The following RBM15B variants were observed in gnomAD, a reference collection of about 807,000 sequenced individuals.
The protein encoded by RBM15B is putative RNA-binding protein 15B.
RBM15B carries 11 observed loss-of-function variants against 53.3 expected under a neutral mutation model. The ratio of observed to expected loss-of-function variants is 0.21; its 90% CI spans 0.13 to 0.34. The LOEUF is 0.34. Ranked by LOEUF, RBM15B falls within the 10% of genes least tolerant of loss-of-function variation. The pLI, the probability that RBM15B is intolerant of heterozygous loss-of-function variation, is 1.00. For synonymous variants in RBM15B, 631 were observed against 540.7 expected, an observed-to-expected ratio of 1.17 and a Z score of -2.32; for missense variants, 1,136 against 1,250.3, an observed-to-expected ratio of 0.91 and a Z score of 1.38.
At position 51,393,916 on chromosome 3, in the gene RBM15B, G is replaced by C. The variant is rs1015896644; in HGVS notation, c.2517G>C (p.Leu839Phe). ...KQKQAAGVIS[L>F]PVGGSKGRDG... ...AGCAGGCCGCAGGGGTGATCAGCTT[G>C]CCAGTGGGGGGGTCCAAGGGCAGAG... is the stretch of plus-strand genomic sequence containing the variant. Residue 839 changes from leucine (L) to phenylalanine (F), a missense_variant, in exon 1 of 1, where the codon TTG becomes TTC. By Grantham distance (22) the Leu-to-Phe change is conservative. Transcript: ENST00000563281. The surrounding 1 kb of genome is among the most constrained non-coding windows in gnomAD (Gnocchi z 5.6). 51 of 1,543,022 alleles carry C rather than the reference G, an allele frequency of 3.3e-5. No homozygotes were observed. Among genetic ancestry groups the C allele is most frequent in the Non-Finnish European group, 4.2e-5 (48 of 1,146,256 alleles).
rs782819388 is a variant in RBM15B at position 51,393,338 on chromosome 3, G to C, written c.1939G>C (p.Glu647Gln). 1.2e-6 allele frequency: 2 copies of C among 1,611,656 alleles called. No individual in the cohort carries two copies. The highest frequency in any genetic ancestry group is 2.2e-5 in the East Asian group (1 of 44,802). The change falls in exon 1 of 1, where the codon GAG becomes CAG. Residue 647 changes from glutamate to glutamine, a missense_variant. By Grantham distance (29) the Glu-to-Gln change is conservative. This residue lies in a region of RBM15B where 578 missense variants were observed against 581.6 expected (regional missense o/e 0.99). Coordinates refer to ENST00000563281, the MANE Select transcript of RBM15B (RefSeq NM_013286.5). This position sits in a 1 kb window ranked among gnomAD's most constrained non-coding sequence, Gnocchi z 5.6. ...KENHSSEGTKESSSNSLSNSR... is the reference protein window; with the variant it reads ...KENHSSEGTKQSSSNSLSNSR... ...GAACCACTCCAGTGAAGGGACCAAG[G>C]AGTCCAGCAGCAACTCCCTCAGCAA...
In RBM15B at chr3:51,391,731, G is replaced by A. The variant is rs1352876734; in HGVS notation, c.332G>A (p.Arg111His). ...CCGGGCGCCTCCGGCATGTCGCCCC[G>A]CGCGTCTCCTCTGCCGCCGCCTCCG... is the stretch of plus-strand genomic sequence containing the variant. ...GDPGASGMSP[R>H]ASPLPPPPPP... is the part of the protein sequence containing the mutation. Residue 111 changes from arginine (R) to histidine (H), a missense_variant, in exon 1 of 1, where the codon CGC (arginine) becomes CAC (histidine). Arg to His is a conservative substitution (Grantham distance 29). This residue lies in a region of RBM15B where 257 missense variants were observed against 261.1 expected (regional missense o/e 0.98). Coordinates refer to ENST00000563281, the MANE Select transcript of RBM15B (RefSeq NM_013286.5). The surrounding 1 kb of genome is among the most constrained non-coding windows in gnomAD (Gnocchi z 4.5). 2.7e-6 allele frequency: 4 copies of A among 1,484,326 alleles called. No individual in the cohort carries two copies. The African/African-American group carries it at 4.4e-5, about 16-fold the overall frequency. The allele number at this position is 1,484,326 out of a possible 1,614,324, so 91.9% of individuals were successfully genotyped here. A position where few individuals can be genotyped will look rare whatever the true frequency, so the allele number is the denominator to read the frequency against.
rs781852621 is a variant in RBM15B at position 51,392,618 on chromosome 3, A to G, written c.1219A>G (p.Ile407Val). ...GGGCCGAGTGATTGGTCGCAACCCC[A>G]TTAAGATAGGCTATGGCAAGGCCAA... ...MSGRVIGRNP[I>V]KIGYGKANPT... The change falls in exon 1 of 1, where the codon ATT becomes GTT. Residue 407 changes from isoleucine (I) to valine (V), a missense_variant. This residue lies in a region of RBM15B where 45 missense variants were observed against 80.7 expected (regional missense o/e 0.56). Coordinates refer to ENST00000563281, the MANE Select transcript of RBM15B (RefSeq NM_013286.5). This position sits in a 1 kb window ranked among gnomAD's most constrained non-coding sequence, Gnocchi z 7.5. 28 of 1,613,930 alleles carry G rather than the reference A, an allele frequency of 1.7e-5. No homozygotes were observed. In the East Asian group the frequency reaches 5.6e-4, roughly 32 times the overall value.
At position 51,394,064 on chromosome 3, in the gene RBM15B, A is replaced by C. The variant is rs782025686; in HGVS notation, c.2665A>C (p.Thr889Pro). The change falls in exon 1 of 1, where the codon ACT (threonine) becomes CCT (proline). Residue 889 changes from threonine to proline, a missense_variant. By Grantham distance (38) the Thr-to-Pro change is conservative. Transcript: ENST00000563281. ...CATGGTGATAGTCATCGTCAGAGAC[A>C]CTGCCTAGCCCAAGCCTGTCTTTCC... Reference protein sequence around the residue: ...EHMVIVIVRDTA With the variant: ...EHMVIVIVRDPA 6.9e-7 allele frequency: 1 copy of C among 1,451,944 alleles called. No homozygotes were observed. The highest frequency in any genetic ancestry group is 9.1e-7 in the Non-Finnish European group (1 of 1,100,692). 89.9% of individuals were successfully genotyped at this position (1,451,944 alleles called of 1,614,324 possible). A position where few individuals can be genotyped will look rare whatever the true frequency, so the allele number is the denominator to read the frequency against.
chr3:51,393,284 G>A lies in RBM15B; in HGVS notation c.1885G>A (p.Asp629Asn). The change falls in exon 1 of 1, where the codon GAC (aspartate) becomes AAC (asparagine). Residue 629 changes from aspartate (D) to asparagine (N), a missense_variant. This residue lies in a region of RBM15B where 578 missense variants were observed against 581.6 expected (regional missense o/e 0.99). Transcript: ENST00000563281. The surrounding 1 kb of genome is among the most constrained non-coding windows in gnomAD (Gnocchi z 5.6). ...GSGQQSERGSDRTPERSRKEN... is the reference protein window; with the variant it reads ...GSGQQSERGSNRTPERSRKEN... The stretch of plus-strand genomic sequence containing the variant: ...TGGGCAGCAGTCAGAGCGGGGCTCC[G>A]ACCGCACCCCTGAGCGCAGCCGCAA... 6.2e-7 allele frequency: 1 copy of A among 1,610,922 alleles called. No individual in the cohort carries two copies. Among genetic ancestry groups the A allele is most frequent in the Non-Finnish European group, 8.5e-7 (1 of 1,178,660 alleles).
rs1264713667 is a variant in RBM15B at position 51,394,248 on chromosome 3, A to AT, written c.*187dup. The AT allele has an allele frequency of 0.011, 8,494 of 790,376 alleles. No individual in the cohort carries two copies. The highest frequency in any genetic ancestry group is 0.012 in the Non-Finnish European group (7,117 of 594,298). The allele number at this position is 790,376 out of a possible 1,614,324, so 49.0% of individuals were successfully genotyped here. ...AAACTAAGTTCTTAGATTTTGGGGG[A>AT]TTTTTTTTTTTAAACGATGAGAAGG... is the stretch of plus-strand genomic sequence containing the variant. On this transcript the variant is annotated 3_prime_UTR_variant, in exon 1 of 1. Coordinates refer to ENST00000563281, the MANE Select transcript of RBM15B (RefSeq NM_013286.5).
rs2089178243 is a variant in RBM15B, at chr3:51,396,021, T to C, written c.*1949T>C. 1 of 412,546 alleles carries C rather than the reference T, an allele frequency of 2.4e-6. No homozygotes were observed. Among genetic ancestry groups the C allele is most frequent in the Non-Finnish European group, 4.4e-6 (1 of 225,922 alleles). 25.6% of individuals were successfully genotyped at this position (412,546 alleles called of 1,614,324 possible). A position where few individuals can be genotyped will look rare whatever the true frequency, so the allele number is the denominator to read the frequency against. ...CCGCCAGAAACAGGAGTGGGTCTTGTCCTGTTGCAGGCACACTGCAGTGGT... is the reference window on the plus strand; with the variant it reads ...CCGCCAGAAACAGGAGTGGGTCTTGCCCTGTTGCAGGCACACTGCAGTGGT... On this transcript the variant is annotated 3_prime_UTR_variant, in exon 1 of 1. Coordinates refer to ENST00000563281, the MANE Select transcript of RBM15B (RefSeq NM_013286.5).
rs995088734 is a variant in RBM15B, at chr3:51,395,602, C to T, written c.*1530C>T. Reference sequence around the variant, plus strand: ...TGAGGAGAACAGAAGCTCTGGTAAGCGAATGAGCCCCTAGATGATAACCAG... The same window carrying T: ...TGAGGAGAACAGAAGCTCTGGTAAGTGAATGAGCCCCTAGATGATAACCAG... On this transcript the variant is annotated 3_prime_UTR_variant, in exon 1 of 1. Transcript: ENST00000563281. 26 of 404,020 alleles carry T rather than the reference C, an allele frequency of 6.4e-5. No homozygotes were observed. The highest frequency in any genetic ancestry group is 2.3e-4 in the African/African-American group (11 of 48,452). The allele number at this position is 404,020 out of a possible 1,614,324, so 25.0% of individuals were successfully genotyped here.
Position 51,396,082 on chromosome 3 carries a change from G to A in RBM15B, c.*2010G>A, listed in dbSNP as rs1553622827. On this transcript the variant is annotated 3_prime_UTR_variant, in exon 1 of 1. Transcript: ENST00000563281. Reference sequence around the variant, plus strand: ...CTCTCCAACAAACGCCTGAGTCACAGGCCAGAGCTGCCTTGGTATGTTGTT... The same window carrying A: ...CTCTCCAACAAACGCCTGAGTCACAAGCCAGAGCTGCCTTGGTATGTTGTT... 3 of 411,360 alleles carry A rather than the reference G, an allele frequency of 7.3e-6. No homozygotes were observed. Among genetic ancestry groups the A allele is most frequent in the Non-Finnish European group, 1.3e-5 (3 of 225,398 alleles). 25.5% of individuals were successfully genotyped at this position (411,360 alleles called of 1,614,324 possible).
chr3:51,393,968 C>A lies in RBM15B; in HGVS notation c.2569C>A (p.Pro857Thr). 6.6e-7 allele frequency: 1 copy of A among 1,516,678 alleles called. No homozygotes were observed. The highest frequency in any genetic ancestry group is 8.8e-7 in the Non-Finnish European group (1 of 1,133,322). 94.0% of individuals were successfully genotyped at this position (1,516,678 alleles called of 1,614,324 possible). The change falls in exon 1 of 1, where the codon CCA (proline) becomes ACA (threonine). Residue 857 changes from proline to threonine, a missense_variant. Pro to Thr is a conservative substitution (Grantham distance 38, BLOSUM62 -1). Around this residue, in one of 7 missense-constraint regions of RBM15B, gnomAD observed 578 missense variants for 581.6 expected, o/e 0.99. Coordinates refer to ENST00000563281, the MANE Select transcript of RBM15B (RefSeq NM_013286.5). This position sits in a 1 kb window ranked among gnomAD's most constrained non-coding sequence, Gnocchi z 5.6. ...CGGCACAGGCATGCTCTACGCCTTC[C>A]CACCCTGCGACTTTTCCCAGCAGTA... ...RDGTGMLYAF[P>T]PCDFSQQYLQ...
chr3:51,391,921 G>T lies in RBM15B; in HGVS notation c.522G>T (p.Ser174=), dbSNP rs371499890. The T allele has an allele frequency of 3.4e-4, 547 of 1,602,832 alleles. No individual in the cohort carries two copies. The highest frequency in any genetic ancestry group is 4.2e-4 in the Non-Finnish European group (500 of 1,179,258). Residue 174 remains serine, a synonymous_variant, in exon 1 of 1, where the codon TCG becomes TCT. Transcript: ENST00000563281. The surrounding 1 kb of genome is among the most constrained non-coding windows in gnomAD (Gnocchi z 4.5). ...KRFGEISLRL[S]HTPELGRVAY... is the part of the protein sequence containing the mutation. ...TCGGCGAGATCAGCCTCCGCCTGTC[G>T]CACACGCCTGAGCTGGGCCGTGTGG...
In RBM15B at chr3:51,392,248, C is replaced by CGCA. The variant is rs1559455039; in HGVS notation, c.852_854dup (p.Ala285dup). 1 of 1,588,768 alleles carries CGCA rather than the reference C, an allele frequency of 6.3e-7. No individual in the cohort carries two copies. Among genetic ancestry groups the CGCA allele is most frequent in the Non-Finnish European group, 8.5e-7 (1 of 1,172,024 alleles). ...GGGAGCCCCGTGCCCGTCACGCCGC[C>CGCA]GCAGCCTTCGCCCTGGATGCCGCTG... On this transcript the variant is annotated inframe_insertion, in exon 1 of 1. Coordinates refer to ENST00000563281, the MANE Select transcript of RBM15B (RefSeq NM_013286.5). The surrounding 1 kb of genome is among the most constrained non-coding windows in gnomAD (Gnocchi z 7.5).
rs1220250893 is a variant in RBM15B at position 51,393,330 on chromosome 3, G to A, written c.1931G>A (p.Gly644Glu). The change falls in exon 1 of 1, where the codon GGG (glycine) becomes GAG (glutamate). Residue 644 changes from glycine (G) to glutamate (E), a missense_variant. Around this residue, in one of 7 missense-constraint regions of RBM15B, gnomAD observed 578 missense variants for 581.6 expected, o/e 0.99. Coordinates refer to ENST00000563281, the MANE Select transcript of RBM15B (RefSeq NM_013286.5). This position sits in a 1 kb window ranked among gnomAD's most constrained non-coding sequence, Gnocchi z 5.6. ...CGCAAGGAGAACCACTCCAGTGAAG[G>A]GACCAAGGAGTCCAGCAGCAACTCC... is the stretch of plus-strand genomic sequence containing the variant. ...RSRKENHSSE[G>E]TKESSSNSLS... 1 of 1,611,026 alleles carries A rather than the reference G, an allele frequency of 6.2e-7. No individual in the cohort carries two copies. Among genetic ancestry groups the A allele is most frequent in the Non-Finnish European group, 8.5e-7 (1 of 1,178,740 alleles).
At position 51,393,264 on chromosome 3, in the gene RBM15B, A is replaced by G. The variant is rs2089070868; in HGVS notation, c.1865A>G (p.Gln622Arg). 1 of 1,612,964 alleles carries G rather than the reference A, an allele frequency of 6.2e-7. No individual in the cohort carries two copies. Among genetic ancestry groups the G allele is most frequent in the Admixed American group, 1.7e-5 (1 of 59,834 alleles). Residue 622 changes from glutamine to arginine, a missense_variant, in exon 1 of 1, where the codon CAG becomes CGG. Physicochemically the swap from Gln to Arg is conservative, Grantham distance 43. This residue lies in a region of RBM15B where 578 missense variants were observed against 581.6 expected (regional missense o/e 0.99). Transcript: ENST00000563281. The surrounding 1 kb of genome is among the most constrained non-coding windows in gnomAD (Gnocchi z 5.6). ...EERSRTKGSG[Q>R]QSERGSDRTP... is the part of the protein sequence containing the mutation. ...CGGAGTAGGACCAAGGGCAGTGGGCAGCAGTCAGAGCGGGGCTCCGACCGC... is the reference window on the plus strand; with the variant it reads ...CGGAGTAGGACCAAGGGCAGTGGGCGGCAGTCAGAGCGGGGCTCCGACCGC...
chr3:51,393,090 A>C lies in RBM15B; in HGVS notation c.1691A>C (p.Glu564Ala). ...SKSSDRRNSL[E>A]GYSRSVRSRS... ...AGCTCTGACCGCCGAAACAGCCTTG[A>C]GGGCTACAGTCGCTCAGTGCGCAGC... The change falls in exon 1 of 1, where the codon GAG becomes GCG. Residue 564 changes from glutamate (E) to alanine (A), a missense_variant. Physicochemically the swap from Glu to Ala is moderately radical, Grantham distance 107. Around this residue, in one of 7 missense-constraint regions of RBM15B, gnomAD observed 578 missense variants for 581.6 expected, o/e 0.99. Transcript: ENST00000563281. The surrounding 1 kb of genome is among the most constrained non-coding windows in gnomAD (Gnocchi z 5.6). The C allele has an allele frequency of 6.2e-7, 1 of 1,613,978 alleles. No individual in the cohort carries two copies. The highest frequency in any genetic ancestry group is 8.5e-7 in the Non-Finnish European group (1 of 1,179,992).
Position 51,391,298 on chromosome 3 carries a change from T to G in RBM15B, c.-102T>G. ...GCCGCCACCGCCGCGCCGAGTCCTT[T>G]TGTCCAAGATGGCGGCGCCGGGGGC... On this transcript the variant is annotated 5_prime_UTR_variant, in exon 1 of 1. Transcript: ENST00000563281. The surrounding 1 kb of genome is among the most constrained non-coding windows in gnomAD (Gnocchi z 4.5). The G allele has an allele frequency of 7.2e-6, 7 of 975,416 alleles. No individual in the cohort carries two copies. Among genetic ancestry groups the G allele is most frequent in the Non-Finnish European group, 9.0e-6 (7 of 776,526 alleles). 60.4% of individuals were successfully genotyped at this position (975,416 alleles called of 1,614,324 possible). A position where few individuals can be genotyped will look rare whatever the true frequency, so the allele number is the denominator to read the frequency against.
chr3:51,391,392 C>T lies in RBM15B; in HGVS notation c.-8C>T. 8.2e-7 allele frequency: 1 copy of T among 1,225,788 alleles called. No individual in the cohort carries two copies. Among genetic ancestry groups the T allele is most frequent in the Non-Finnish European group, 1.0e-6 (1 of 983,540 alleles). The allele number at this position is 1,225,788 out of a possible 1,614,324, so 75.9% of individuals were successfully genotyped here. A position where few individuals can be genotyped will look rare whatever the true frequency, so the allele number is the denominator to read the frequency against. On this transcript the variant is annotated 5_prime_UTR_variant, in exon 1 of 1. Coordinates refer to ENST00000563281, the MANE Select transcript of RBM15B (RefSeq NM_013286.5). The surrounding 1 kb of genome is among the most constrained non-coding windows in gnomAD (Gnocchi z 4.5). ...ACCTACGGGCCGCCCGCCCGCCGCG[C>T]CAGCGCCATGAAGCGGCAGAGCGAG... is the stretch of plus-strand genomic sequence containing the variant.
chr3:51,395,989 G>T lies in RBM15B; in HGVS notation c.*1917G>T, dbSNP rs1480080342. 2.4e-6 allele frequency: 1 copy of T among 413,226 alleles called. No homozygotes were observed. Among genetic ancestry groups the T allele is most frequent in the Admixed American group, 4.4e-5 (1 of 22,718 alleles). The allele number at this position is 413,226 out of a possible 1,614,324, so 25.6% of individuals were successfully genotyped here. ...CAGGACACGCCACCATTCCAGGGTA[G>T]CTGGTACCGCCAGAAACAGGAGTGG... On this transcript the variant is annotated 3_prime_UTR_variant, in exon 1 of 1. Transcript: ENST00000563281.
In RBM15B at chr3:51,393,628, C is replaced by A. The variant is rs375300394; in HGVS notation, c.2229C>A (p.Asp743Glu). 110 of 1,613,454 alleles carry A rather than the reference C, an allele frequency of 6.8e-5. No homozygotes were observed. Among genetic ancestry groups the A allele is most frequent in the Non-Finnish European group, 8.9e-5 (105 of 1,179,674 alleles). ...CGTCTATGCATATCCTAGAGGGGGACCAGGGGGTGATCAGCAGTCTCCTCA... is the reference window on the plus strand; with the variant it reads ...CGTCTATGCATATCCTAGAGGGGGAACAGGGGGTGATCAGCAGTCTCCTCA... ...FPTSMHILEG[D>E]QGVISSLLKD... The change falls in exon 1 of 1, where the codon GAC becomes GAA. Residue 743 changes from aspartate (D) to glutamate (E), a missense_variant. Physicochemically the swap from Asp to Glu is conservative, Grantham distance 45. Transcript: ENST00000563281. This position sits in a 1 kb window ranked among gnomAD's most constrained non-coding sequence, Gnocchi z 5.6.
Sources: gnomAD v4.1 joint callset for allele counts on GRCh38, gnomAD v4.1.1 for gene constraint, gnomAD v4.1.1 regional missense constraint, Gnocchi (gnomAD v3.1) non-coding constraint, MANE v1.5 for transcripts, NCBI Gene and HGNC (gene_info 2026-07-23, HGNC 2026-07-21) for gene names.